Variants in ADAMTS1 observed in about 807,000 individuals in gnomAD.
ADAMTS1 encodes the protein A disintegrin and metalloproteinase with thrombospondin motifs 1.
In ADAMTS1, 19 loss-of-function variants were observed where a neutral mutation model predicts 87.9. The observed-to-expected ratio is 0.22, with a 90% CI of 0.15 to 0.32. ADAMTS1 has a LOEUF of 0.32. Among genes scored for constraint, ADAMTS1 ranks in the 10% least tolerant of loss-of-function variants. The pLI, the probability that ADAMTS1 is intolerant of heterozygous loss-of-function variation, is 1.00. For synonymous variants in ADAMTS1, 542 were observed against 501.8 expected, an observed-to-expected ratio of 1.08 and a Z score of -1.07; for missense variants, 1,240 against 1,259.1, an observed-to-expected ratio of 0.98 and a Z score of 0.23.
Position 26,845,124 on chromosome 21 carries a change from T to G in ADAMTS1, c.-170A>C. 1 of 962,302 alleles carries G rather than the reference T, an allele frequency of 1.0e-6. No homozygotes were observed. Among genetic ancestry groups the G allele is most frequent in the Non-Finnish European group, 1.4e-6 (1 of 731,780 alleles). 59.6% of individuals were successfully genotyped at this position (962,302 alleles called of 1,614,324 possible). On this transcript the variant is annotated 5_prime_UTR_variant, in exon 1 of 9. Coordinates refer to ENST00000284984, the MANE Select transcript of ADAMTS1 (RefSeq NM_006988.5). ...CTACAGCCGAAGCTCCCGGAGTCAC[T>G]AAAAGGAGGCGCTGCAGTTCTGCCG...
At chr21:26,844,196 G>T in intron 1 of ADAMTS1, 29 bp downstream of exon 1, 1 of 1,521,072 alleles carries the variant, frequency 6.6e-7, no homozygotes, top group South Asian at 1.3e-5. Context: ...GAGGATGAAT[G>T]GACAGACAAA....
chr21:26,840,656 T>G, intron 4 of ADAMTS1, 94 bp from the exon 5 acceptor site: 1 of 1,393,772 alleles, frequency 7.2e-7, no homozygotes, highest in Non-Finnish European at 9.8e-7. Context: ...TATGAGAAAA[T>G]AGACAGCAAA....
chr21:26,840,203 T>G, intron 5 of ADAMTS1, 73 bp downstream of exon 5: 1 of 1,568,066 alleles, frequency 6.4e-7, no homozygotes, highest in Non-Finnish European at 8.7e-7. Flanking sequence ...TGGGGATGTT[T>G]AACTTGGTAT....
chr21:26,840,225 C>T, intron 5 of ADAMTS1, 51 bp downstream of exon 5: 1 of 1,584,408 alleles, frequency 6.3e-7, no homozygotes, highest in Non-Finnish European at 8.6e-7. Flanking sequence ...ATATCTTTTA[C>T]CATCACTTTG....
At position 26,844,542 on chromosome 21, in the gene ADAMTS1, G is replaced by T. The variant is rs1188085332; in HGVS notation, c.413C>A (p.Ala138Asp). 1 of 1,606,264 alleles carries T rather than the reference G, an allele frequency of 6.2e-7. No individual in the cohort carries two copies. The highest frequency in any genetic ancestry group is 2.2e-5 in the East Asian group (1 of 44,516). ...TVNGDPSSAAALSLCEGVRGA... is the reference protein window; with the variant it reads ...TVNGDPSSAADLSLCEGVRGA... ...GCGCACGCCCTCGCAGAGGCTGAGG[G>T]CGGCAGCCGAGCTGGGATCGCCATT... The change falls in exon 1 of 9, where the codon GCC becomes GAC. Residue 138 changes from alanine to aspartate, a missense_variant. Ala to Asp is a moderately radical substitution (Grantham distance 126). Around this residue, in one of 3 missense-constraint regions of ADAMTS1, gnomAD observed 521 missense variants for 449.7 expected, o/e 1.16. Coordinates refer to ENST00000284984, the MANE Select transcript of ADAMTS1 (RefSeq NM_006988.5).
At chr21:26,843,421 C>A (rs1175062261) in intron 1 of ADAMTS1, 1 of 463,368 alleles carries the variant, frequency 2.2e-6, no homozygotes, top group East Asian at 7.0e-5. Flanking sequence ...GGGGAGAATT[C>A]TTTAAAAAAT....
At position 26,836,031 on chromosome 21, in the gene ADAMTS1, T is replaced by C. The variant is rs1985357265; in HGVS notation, c.*1548A>G. On this transcript the variant is annotated 3_prime_UTR_variant, in exon 9 of 9. Coordinates refer to ENST00000284984, the MANE Select transcript of ADAMTS1 (RefSeq NM_006988.5). ...ACAAAAGAAGTTTGCCAACCACTGATGTATATTATTAGATACATTAGTAAC... is the reference window on the plus strand; with the variant it reads ...ACAAAAGAAGTTTGCCAACCACTGACGTATATTATTAGATACATTAGTAAC... 2 of 152,374 alleles carry C rather than the reference T, an allele frequency of 1.3e-5. No individual in the cohort carries two copies. The highest frequency in any genetic ancestry group is 1.5e-5 in the Non-Finnish European group (1 of 68,032). 9.4% of individuals were successfully genotyped at this position (152,374 alleles called of 1,614,324 possible). A position where few individuals can be genotyped will look rare whatever the true frequency, so the allele number is the denominator to read the frequency against.
At chr21:26,838,707 C>A (rs1008282828) in intron 7 of ADAMTS1, 93 bp from the exon 8 acceptor site, 111 of 1,285,404 alleles carry the variant, frequency 8.6e-5, no homozygotes, top group Non-Finnish European at 1.1e-4. Context: ...ACTTTCCTGA[C>A]CATGCTAATT....
intron 7 of ADAMTS1, 70 bp downstream of exon 7, chr21:26,839,517 A>G: frequency 1.5e-6 from 2 of 1,377,796 alleles, no homozygotes; most frequent in Non-Finnish European, 1.9e-6. Flanking sequence ...AAAGTATAAC[A>G]AAAATTGTTT....
rs1985579869 is a variant in ADAMTS1 at position 26,844,692 on chromosome 21, T to C, written c.263A>G (p.Glu88Gly). Reference protein sequence around the residue: ...LHAFDQQLDLELRPDSSFLAP... With the variant: ...LHAFDQQLDLGLRPDSSFLAP... ...CAAAAAGCTGCTGTCGGGCCGCAGCTCCAGATCCAGCTGCTGGTCAAAGGC... is the reference window on the plus strand; with the variant it reads ...CAAAAAGCTGCTGTCGGGCCGCAGCCCCAGATCCAGCTGCTGGTCAAAGGC... The change falls in exon 1 of 9, where the codon GAG (glutamate) becomes GGG (glycine). Residue 88 changes from glutamate (E) to glycine (G), a missense_variant. Physicochemically the swap from Glu to Gly is moderately conservative, Grantham distance 98. Transcript: ENST00000284984. The C allele has an allele frequency of 6.3e-7, 1 of 1,593,524 alleles. No homozygotes were observed. The highest frequency in any genetic ancestry group is 8.5e-7 in the Non-Finnish European group (1 of 1,170,560).
At chr21:26,842,046 T>C in intron 2 of ADAMTS1, 56 bp from the exon 3 acceptor site, 1 of 1,572,438 alleles carries the variant, frequency 6.4e-7, no homozygotes, top group Non-Finnish European at 8.6e-7. Flanking sequence ...CCTTGGGATC[T>C]AACTTTTTTG....
chr21:26,839,166 A>T (rs781103065), intron 7 of ADAMTS1: 1 of 161,076 alleles, frequency 6.2e-6, no homozygotes, highest in Admixed American at 6.1e-5. Context: ...TACCACTTCT[A>T]TTATTCTGTT....
chr21:26,842,289 C>T lies in ADAMTS1; in HGVS notation c.1077+50G>A, dbSNP rs192987658. On this transcript the variant is annotated intron_variant, in intron 2 of 8. Transcript: ENST00000284984. Reference sequence around the variant, plus strand: ...CCTTGTATATATCTTTTTGGTACAACGTAGACTCCTAAGAGGACAGTCTCA... The same window carrying T: ...CCTTGTATATATCTTTTTGGTACAATGTAGACTCCTAAGAGGACAGTCTCA... 19 of 1,550,340 alleles carry T rather than the reference C, an allele frequency of 1.2e-5. 1 individual carries two copies. Among genetic ancestry groups the T allele is most frequent in the Middle Eastern group, 1.7e-4 (1 of 5,866 alleles).
chr21:26,836,106 T>C lies in ADAMTS1; in HGVS notation c.*1473A>G, dbSNP rs73185846. On this transcript the variant is annotated 3_prime_UTR_variant, in exon 9 of 9. Transcript: ENST00000284984. ...TTTTAGCAATCATGTATACCAAGGATATAAGAAATACATCTCATTAGAAAA... is the reference window on the plus strand; with the variant it reads ...TTTTAGCAATCATGTATACCAAGGACATAAGAAATACATCTCATTAGAAAA... 28 of 152,364 alleles carry C rather than the reference T, an allele frequency of 1.8e-4. 1 individual carries two copies. Among genetic ancestry groups the C allele is most frequent in the Admixed American group, 7.2e-4 (11 of 15,302 alleles). The allele number at this position is 152,364 out of a possible 1,614,324, so 9.4% of individuals were successfully genotyped here.
rs1417867662 is a variant in ADAMTS1, at chr21:26,838,536, G to C, written c.2107C>G (p.Arg703Gly). ...QGQCVKAGCD[R>G]IIDSKKKFDK... is the part of the protein sequence containing the mutation. Reference sequence around the variant, plus strand: ...AACTTCTTTTTGGAGTCTATGATGCGATCACAACCAGCTTTTACACACTGT... The same window carrying C: ...AACTTCTTTTTGGAGTCTATGATGCCATCACAACCAGCTTTTACACACTGT... Residue 703 changes from arginine (R) to glycine (G), a missense_variant, in exon 8 of 9, where the codon CGC becomes GGC. Around this residue, in one of 3 missense-constraint regions of ADAMTS1, gnomAD observed 402 missense variants for 399.1 expected, o/e 1.01. Transcript: ENST00000284984. 1.2e-5 allele frequency: 19 copies of C among 1,614,072 alleles called. No homozygotes were observed. The highest frequency in any genetic ancestry group is 1.6e-5 in the Non-Finnish European group (19 of 1,180,018).
In ADAMTS1 at chr21:26,842,283, G is replaced by A. The variant is rs1985509939; in HGVS notation, c.1077+56C>T. 5 of 1,513,642 alleles carry A rather than the reference G, an allele frequency of 3.3e-6. 1 individual carries two copies. Among genetic ancestry groups the A allele is most frequent in the South Asian group, 2.5e-5 (2 of 78,456 alleles). The allele number at this position is 1,513,642 out of a possible 1,614,324, so 93.8% of individuals were successfully genotyped here. A position where few individuals can be genotyped will look rare whatever the true frequency, so the allele number is the denominator to read the frequency against. On this transcript the variant is annotated intron_variant, in intron 2 of 8. Transcript: ENST00000284984. ...GAAATGCCTTGTATATATCTTTTTG[G>A]TACAACGTAGACTCCTAAGAGGACA...
intron 7 of ADAMTS1, chr21:26,838,905 TC>T (rs1294438154): frequency 3.5e-6 from 1 of 286,778 alleles, no homozygotes; most frequent in African/African-American, 2.1e-5. Flanking sequence ...TACTGCTGTA[TC>T]TTCAGAGCCT....
chr21:26,837,466 A>G lies in ADAMTS1; in HGVS notation c.*113T>C, dbSNP rs1238556778. 7 of 887,244 alleles carry G rather than the reference A, an allele frequency of 7.9e-6. No homozygotes were observed. Among genetic ancestry groups the G allele is most frequent in the Non-Finnish European group, 1.1e-5 (6 of 571,012 alleles). The allele number at this position is 887,244 out of a possible 1,614,324, so 55.0% of individuals were successfully genotyped here. On this transcript the variant is annotated 3_prime_UTR_variant, in exon 9 of 9. Coordinates refer to ENST00000284984, the MANE Select transcript of ADAMTS1 (RefSeq NM_006988.5). ...ACCCCCATAATCCCACCTTACTGAT[A>G]CACCTCACTGGTTACTGGCAAGATA... is the stretch of plus-strand genomic sequence containing the variant.
Position 26,838,433 on chromosome 21 carries a change from A to T in ADAMTS1, c.2204+6T>A. 6.2e-7 allele frequency: 1 copy of T among 1,614,078 alleles called. No homozygotes were observed. The highest frequency in any genetic ancestry group is 2.2e-5 in the East Asian group (1 of 44,886). On this transcript the variant is annotated splice_donor_region_variant and intron_variant, in intron 8 of 8. Coordinates refer to ENST00000284984, the MANE Select transcript of ADAMTS1 (RefSeq NM_006988.5). Reference sequence around the variant, plus strand: ...AAGGTCTGCAAATAGGTGTTTTAAAACTTACTTTGCACTAGTAACTGATCC... The same window carrying T: ...AAGGTCTGCAAATAGGTGTTTTAAATCTTACTTTGCACTAGTAACTGATCC...
Sources: allele counts gnomAD v4.1 joint callset, GRCh38; gene constraint gnomAD v4.1.1; regional missense constraint gnomAD v4.1.1; transcripts MANE v1.5; gene names NCBI Gene and HGNC (gene_info 2026-07-23, HGNC 2026-07-21).